Variants in CRACDL observed in about 807,000 individuals in gnomAD.
The protein encoded by CRACDL is CRACD like, also known as CRACD-like protein.
A neutral mutation model predicts 70.6 loss-of-function variants in CRACDL; 26 were observed. The ratio of observed to expected loss-of-function variants is 0.37; its 90% CI spans 0.27 to 0.51. The LOEUF is 0.51. CRACDL is among the 20% of genes least tolerant of loss of function. The pLI is 0.94. For synonymous variants in CRACDL, 618 were observed against 615.2 expected, an observed-to-expected ratio of 1.00 and a Z score of -0.07; for missense variants, 1,283 against 1,376.9, an observed-to-expected ratio of 0.93 and a Z score of 1.08.
chr2:98,871,396 T>C (rs1451943644), intron 1 of CRACDL, among the ~76,000 whole-genome samples: 1 of 152,182 alleles, frequency 6.6e-6, no homozygotes, highest in Admixed American at 6.5e-5. Context: ...AGTTAAATGG[T>C]CCATTGCTTT....
intron 1 of CRACDL, among the ~76,000 whole-genome samples, chr2:98,879,946 T>C (rs1707597954): frequency 6.6e-6 from 1 of 152,244 alleles, no homozygotes; most frequent in Non-Finnish European, 1.5e-5. Context: ...GCCCACACCA[T>C]TTAGCACATA....
chr2:98,804,609 C>T (rs763160621), intron 7 of CRACDL, among the ~76,000 whole-genome samples: 8 of 152,140 alleles, frequency 5.3e-5, no homozygotes, highest in Non-Finnish European at 1.2e-4. Flanking sequence ...GCTGGTTAGG[C>T]TGCCAAGTGG....
chr2:98,929,213 A>G (rs1358179684), intron 1 of CRACDL, among the ~76,000 whole-genome samples: 1 of 152,248 alleles, frequency 6.6e-6, no homozygotes, highest in African/African-American at 2.4e-5. Context: ...AACCCAGGTT[A>G]GAAAGCAGGC....
chr2:98,915,823 C>T (rs1708650694), intron 1 of CRACDL, among the ~76,000 whole-genome samples: 1 of 152,190 alleles, frequency 6.6e-6, no homozygotes, highest in Admixed American at 6.5e-5. Context: ...CTAAGCACAT[C>T]CGCTGACCAC....
chr2:98,888,689 T>C (rs1707860342), intron 1 of CRACDL, among the ~76,000 whole-genome samples: 1 of 152,014 alleles, frequency 6.6e-6, no homozygotes, highest in South Asian at 2.1e-4. Flanking sequence ...TAAGTAAAAA[T>C]CACTCAAATA....
chr2:98,892,178 A>G (rs1573155789), intron 1 of CRACDL, among the ~76,000 whole-genome samples: 2 of 152,274 alleles, frequency 1.3e-5, no homozygotes, highest in East Asian at 3.9e-4. Context: ...AGGCAATTCC[A>G]CCTCTGGGAA....
Position 98,898,332 on chromosome 2 carries a change from G to A in CRACDL, c.-11+37606C>T, listed in dbSNP as rs189090340. On this transcript the variant is annotated intron_variant, in intron 1 of 9. Coordinates refer to ENST00000397899, the MANE Select transcript of CRACDL (RefSeq NM_207362.3). The stretch of plus-strand genomic sequence containing the variant: ...TCAGAGAGGTCACCTCGCTAAGAGC[G>A]TGGGGAGAGAAGACATGCCCACAGT... Among the ~76,000 whole-genome samples the A allele has an allele frequency of 1.2e-3, 189 of 152,374 alleles. 1 individual carries two copies. The highest frequency in any genetic ancestry group is 2.5e-4 in the Non-Finnish European group (17 of 68,036).
At position 98,870,906 on chromosome 2, in the gene CRACDL, G is replaced by A. The variant is rs1707316297; in HGVS notation, c.-10-24096C>T. On this transcript the variant is annotated intron_variant, in intron 1 of 9. Transcript: ENST00000397899. ...ACAGAGTGGCCCAATGCCCGAACAA[G>A]ACATCACTCCACACTGAGACAAAGT... Among the ~76,000 whole-genome samples the A allele has an allele frequency of 1.3e-5, 2 of 152,204 alleles. 1 individual carries two copies. The highest frequency in any genetic ancestry group is 4.1e-4 in the South Asian group (2 of 4,824).
At chr2:98,896,118 T>G (rs1228691123) in intron 1 of CRACDL, among the ~76,000 whole-genome samples, 3 of 152,032 alleles carry the variant, frequency 2.0e-5, no homozygotes, top group Non-Finnish European at 4.4e-5. Context: ...GAGGGCTGGC[T>G]GGTGGCATGG....
intron 2 of CRACDL, among the ~76,000 whole-genome samples, chr2:98,841,620 T>C (rs1354278684): frequency 6.6e-6 from 1 of 152,150 alleles, no homozygotes; most frequent in African/African-American, 2.4e-5. Flanking sequence ...AGGAAGATCT[T>C]CCTTTGGCCT....
At chr2:98,852,521 A>G (rs1422883973) in intron 1 of CRACDL, among the ~76,000 whole-genome samples, 1 of 152,200 alleles carries the variant, frequency 6.6e-6, no homozygotes, top group East Asian at 1.9e-4. Flanking sequence ...AATAATCCTG[A>G]GTGACCAAAA....
chr2:98,814,873 C>T (rs542997836), intron 7 of CRACDL, among the ~76,000 whole-genome samples: 2 of 152,272 alleles, frequency 1.3e-5, no homozygotes, highest in South Asian at 4.1e-4. Context: ...GGGACACACA[C>T]ATTTAGTACT....
intron 1 of CRACDL, chr2:98,869,394 G>A (rs891021591): frequency 2.2e-5 from 15 of 682,516 alleles, no homozygotes; most frequent in African/African-American, 1.1e-4. Flanking sequence ...ATGCACTTCC[G>A]CCTTCCACTC....
chr2:98,809,160 G>C lies in CRACDL; in HGVS notation c.2417-11623C>G, dbSNP rs532733302. ...GTGAGGCTATGACTCCTGAATGCAG[G>C]GTGTCTGAGTTGGGGCGGAGACTCC... On this transcript the variant is annotated intron_variant, in intron 7 of 9. Coordinates refer to ENST00000397899, the MANE Select transcript of CRACDL (RefSeq NM_207362.3). Among the ~76,000 whole-genome samples, 12 of 152,262 alleles carry C rather than the reference G, an allele frequency of 7.9e-5. 1 individual carries two copies. The South Asian group carries it at 2.5e-3, about 32-fold the overall frequency.
At chr2:98,915,052 A>G (rs1350449214) in intron 1 of CRACDL, among the ~76,000 whole-genome samples, 1 of 152,240 alleles carries the variant, frequency 6.6e-6, no homozygotes, top group Non-Finnish European at 1.5e-5. Context: ...GGTCCCTGCC[A>G]GTATGAGTGG....
chr2:98,814,536 A>G (rs758390341), intron 7 of CRACDL, among the ~76,000 whole-genome samples: 32 of 152,204 alleles, frequency 2.1e-4, no homozygotes, highest in African/African-American at 4.3e-4. Flanking sequence ...GCTTTGAATA[A>G]TTTCAATTCT....
intron 2 of CRACDL, among the ~76,000 whole-genome samples, chr2:98,838,588 T>C (rs1381746208): frequency 1.3e-5 from 2 of 152,196 alleles, no homozygotes; most frequent in Non-Finnish European, 1.5e-5. Flanking sequence ...TTTTGATTTC[T>C]AAAATATATT....
At chr2:98,925,590 CA>C (rs1708892383) in intron 1 of CRACDL, among the ~76,000 whole-genome samples, 2 of 152,154 alleles carry the variant, frequency 1.3e-5, no homozygotes, top group Admixed American at 1.3e-4. Context: ...AGGGTTCACC[CA>C]GAGGAACAAA....
chr2:98,861,769 G>A (rs1366999507), intron 1 of CRACDL, among the ~76,000 whole-genome samples: 2 of 152,132 alleles, frequency 1.3e-5, no homozygotes, highest in Admixed American at 1.3e-4. Context: ...GGACTGGGGG[G>A]TACATTGTGG....
Sources: allele counts gnomAD v4.1 joint callset (sites outside exome capture counted in the v4.1 genomes callset), GRCh38; gene constraint gnomAD v4.1.1; transcripts MANE v1.5; gene names NCBI Gene and HGNC (gene_info 2026-07-23, HGNC 2026-07-21).